The following TAF3 variants were observed in gnomAD, a reference collection of about 807,000 sequenced individuals.
The protein encoded by TAF3 is transcription initiation factor TFIID subunit 3.
Under a neutral mutation model 80.6 loss-of-function variants are expected in TAF3, and 7 were observed. The observed-to-expected ratio is 0.09, with a 90% CI of 0.05 to 0.16. The LOEUF (loss-of-function observed/expected upper bound fraction) is 0.16, where lower values mean the gene tolerates loss of function less well. TAF3 is among the 10% of genes least tolerant of loss of function. TAF3 has a pLI of 1.00. For synonymous variants in TAF3, 444 were observed against 446.1 expected (o/e 1.00, Z 0.06); for missense variants, 921 against 1,140.2 (o/e 0.81, Z 2.77).
intron 2 of TAF3, among the ~76,000 whole-genome samples, chr10:7,917,163 A>G (rs1037167230): frequency 1.3e-5 from 2 of 152,258 alleles, no homozygotes; most frequent in Non-Finnish European, 2.9e-5. Context: ...CTGGGGAGAC[A>G]GACAATATAA....
At chr10:7,939,277 A>G (rs1369778666) in intron 2 of TAF3, among the ~76,000 whole-genome samples, 2 of 152,158 alleles carry the variant, frequency 1.3e-5, no homozygotes, top group Admixed American at 6.5e-5. Context: ...CAGTCTCCAC[A>G]CTGAACAGGT....
At chr10:7,954,250 A>G (rs1170662698) in intron 2 of TAF3, among the ~76,000 whole-genome samples, 2 of 140,044 alleles carry the variant, frequency 1.4e-5, no homozygotes, top group Admixed American at 7.2e-5. Context: ...AGTGCACTCC[A>G]TAGGTGAATG....
chr10:7,843,885 C>A (rs1036722821), intron 2 of TAF3, among the ~76,000 whole-genome samples: 1 of 151,972 alleles, frequency 6.6e-6, no homozygotes, highest in African/African-American at 2.4e-5. Flanking sequence ...TTGTGGACTT[C>A]AAATTTTGCA....
At position 7,983,713 on chromosome 10, in the gene TAF3, C is replaced by T. The variant is rs374505928; in HGVS notation, c.2315+6390C>T. ...CATGAGCTGGACGTAGTGGCGTGCA[C>T]CTATACTCCCAGCTACTTGGGAGGC... On this transcript the variant is annotated intron_variant, in intron 4 of 6. Transcript: ENST00000344293. Among the ~76,000 whole-genome samples the T allele has an allele frequency of 1.1e-4, 17 of 152,226 alleles. No homozygotes were observed. The East Asian group carries it at 2.1e-3, about 19-fold the overall frequency.
At chr10:7,865,074 G>A (rs1331637442) in intron 2 of TAF3, among the ~76,000 whole-genome samples, 2 of 152,136 alleles carry the variant, frequency 1.3e-5, no homozygotes, top group Non-Finnish European at 2.9e-5. Flanking sequence ...GGTTGAGGAG[G>A]GAGTCCTCAC....
At chr10:7,932,648 C>T (rs906344987) in intron 2 of TAF3, among the ~76,000 whole-genome samples, 2 of 148,922 alleles carry the variant, frequency 1.3e-5, no homozygotes, top group African/African-American at 2.5e-5. Flanking sequence ...GTGTAGCTGA[C>T]GTTGATTTAT....
intron 2 of TAF3, among the ~76,000 whole-genome samples, chr10:7,846,301 A>C (rs1476542240): frequency 6.6e-6 from 1 of 152,222 alleles, no homozygotes; most frequent in Non-Finnish European, 1.5e-5. Flanking sequence ...AAATTTCTTC[A>C]AAAAGTATTG....
intron 4 of TAF3, among the ~76,000 whole-genome samples, chr10:7,991,715 AT>A (rs964900178): frequency 6.6e-6 from 1 of 152,144 alleles, no homozygotes; most frequent in Non-Finnish European, 1.5e-5. Context: ...TATACACTAT[AT>A]TTTTTCCATC....
intron 2 of TAF3, among the ~76,000 whole-genome samples, chr10:7,862,539 A>T (rs1261843141): frequency 6.6e-6 from 1 of 152,230 alleles, no homozygotes; most frequent in Non-Finnish European, 1.5e-5. Context: ...ATTTATGTTC[A>T]GTAAACTGTA....
chr10:7,916,315 ATAC>A (rs1399077022), intron 2 of TAF3, among the ~76,000 whole-genome samples: 10 of 152,228 alleles, frequency 6.6e-5, no homozygotes, highest in Middle Eastern at 3.2e-3. Context: ...AAGCTGTCTT[ATAC>A]AAAAGTAGAA....
intron 2 of TAF3, among the ~76,000 whole-genome samples, chr10:7,937,141 A>G (rs1837929122): frequency 6.6e-6 from 1 of 152,208 alleles, no homozygotes; most frequent in Non-Finnish European, 1.5e-5. Context: ...GCTGCTTTAA[A>G]TATCTGTTTG....
At chr10:7,931,015 T>C (rs924322232) in intron 2 of TAF3, among the ~76,000 whole-genome samples, 2 of 152,202 alleles carry the variant, frequency 1.3e-5, no homozygotes, top group African/African-American at 2.4e-5. Context: ...AATTTGACTC[T>C]ACAGTACCAG....
intron 2 of TAF3, among the ~76,000 whole-genome samples, chr10:7,909,310 A>G (rs116701709): frequency 4.6e-4 from 70 of 152,322 alleles, no homozygotes; most frequent in African/African-American, 1.6e-3. Flanking sequence ...GTTGGTGTAC[A>G]TGCACCCTAG....
chr10:7,912,744 G>C (rs550969639), intron 2 of TAF3, among the ~76,000 whole-genome samples: 29 of 152,194 alleles, frequency 1.9e-4, no homozygotes, highest in Non-Finnish European at 3.8e-4. Context: ...TCCAGATCCA[G>C]TTCAATGGTT....
At chr10:7,901,311 A>G (rs974885961) in intron 2 of TAF3, among the ~76,000 whole-genome samples, 7 of 152,224 alleles carry the variant, frequency 4.6e-5, no homozygotes, top group Non-Finnish European at 7.4e-5. Flanking sequence ...ACAGAAGTAA[A>G]GGGTCTTTCT....
At chr10:7,997,637 G>A (rs964380892) in intron 4 of TAF3, among the ~76,000 whole-genome samples, 11 of 152,182 alleles carry the variant, frequency 7.2e-5, no homozygotes, top group Admixed American at 7.2e-4. Flanking sequence ...AGCAGTGAGG[G>A]CACTGTGATC....
At chr10:7,988,752 G>GAAAAAAAAAAAAAAAAAA (rs56395044) in intron 4 of TAF3, among the ~76,000 whole-genome samples, 2 of 92,836 alleles carry the variant, frequency 2.2e-5, no homozygotes, top group Non-Finnish European at 2.0e-5. Flanking sequence ...CTGTCTCTCA[G>GAAAAAAAAAAAAAAAAAA]AAAAAAAAAA....
intron 2 of TAF3, among the ~76,000 whole-genome samples, chr10:7,842,151 G>GTTTTTTTTTTTATTTTTT (rs1836921526): frequency 1.0e-5 from 1 of 98,748 alleles, no homozygotes; most frequent in Non-Finnish European, 2.1e-5. Flanking sequence ...AATTAATATT[G>GTTTTTTTTTTTATTTTTT]TTTTTTTTTT....
intron 4 of TAF3, among the ~76,000 whole-genome samples, chr10:7,993,266 ACTT>A (rs1831851301): frequency 6.6e-6 from 1 of 152,112 alleles, no homozygotes; most frequent in Admixed American, 6.5e-5. Context: ...GCAGCCTTGA[ACTT>A]CTGAGCTCAA....
Sources: gnomAD v4.1 joint callset for allele counts (sites outside exome capture counted in the v4.1 genomes callset) on GRCh38, gnomAD v4.1.1 for gene constraint, MANE v1.5 for transcripts, NCBI Gene and HGNC (gene_info 2026-07-23, HGNC 2026-07-21) for gene names.